FGB: variants seen among roughly 807,000 people sequenced by gnomAD.
FGB encodes fibrinogen beta chain.
Under a neutral mutation model 57.9 loss-of-function variants are expected in FGB, and 25 were observed. The observed-to-expected ratio is 0.43, with a 90% CI of 0.31 to 0.60. The LOEUF (loss-of-function observed/expected upper bound fraction) is 0.60, where lower values mean the gene tolerates loss of function less well. Among genes scored for constraint, FGB ranks in the 20% least tolerant of loss-of-function variants. FGB has a pLI of 0.08. For missense variants in FGB, 536 were observed against 598.4 expected (o/e 0.90, Z 1.09); for synonymous variants, 203 against 199.2 (o/e 1.02, Z -0.16).
rs1184082797 is a variant in FGB at position 154,571,325 on chromosome 4, A to AC, written c.*679dup. 6.6e-6 allele frequency among the ~76,000 whole-genome samples: 1 copy of AC among 152,020 alleles called. No homozygotes were observed. The highest frequency in any genetic ancestry group is 2.4e-5 in the African/African-American group (1 of 41,398). ...AGACCAGCCTGACCAATATGGTGAA[A>AC]CCCCATCTCTACTAAAAATACAAAA... On this transcript the variant is annotated 3_prime_UTR_variant, in exon 8 of 8. Coordinates refer to ENST00000302068, the MANE Select transcript of FGB (RefSeq NM_005141.5).
Position 154,565,537 on chromosome 4 carries a change from G to T in FGB, c.115-271G>T. On this transcript the variant is annotated intron_variant, in intron 1 of 7. Coordinates refer to ENST00000302068, the MANE Select transcript of FGB (RefSeq NM_005141.5). The stretch of plus-strand genomic sequence containing the variant: ...CCAATGTATGTTTTAGGAATATGAG[G>T]TCATTACTATTCATAATCTGATACA... 1.1e-5 allele frequency: 5 copies of T among 448,794 alleles called. No individual in the cohort carries two copies. In the South Asian group the frequency reaches 1.2e-4, roughly 11 times the overall value. 27.8% of individuals were successfully genotyped at this position (448,794 alleles called of 1,614,324 possible).
chr4:154,567,943 A>T, intron 4 of FGB, 123 bp downstream of exon 4: 1 of 796,712 alleles, frequency 1.3e-6, no homozygotes, highest in Non-Finnish European at 2.2e-6. Flanking sequence ...ATGACATTAC[A>T]GTACATCATA....
rs1730447086 is a variant in FGB, at chr4:154,571,999, G to C, written c.*1349G>C. On this transcript the variant is annotated 3_prime_UTR_variant, in exon 8 of 8. Transcript: ENST00000302068. ...TCTCTGCCACAAGTTCTGTCCCACT[G>C]GAGCCCATACTCACCTACCGCTTTG... 6.6e-6 allele frequency among the ~76,000 whole-genome samples: 1 copy of C among 152,100 alleles called. No homozygotes were observed. Among genetic ancestry groups the C allele is most frequent in the African/African-American group, 2.4e-5 (1 of 41,404 alleles).
chr4:154,568,296 G>A (rs543262800), intron 4 of FGB, 85 bp from the exon 5 acceptor site: 4 of 787,398 alleles, frequency 5.1e-6, no homozygotes, highest in Admixed American at 3.4e-5. Flanking sequence ...AGTAACTTAT[G>A]TAATGTTATT....
rs769690072 is a variant in FGB, at chr4:154,570,416, C to G, written c.1245-3C>G. 5.0e-6 allele frequency: 8 copies of G among 1,609,866 alleles called. No individual in the cohort carries two copies. In the Admixed American group the frequency reaches 1.3e-4, roughly 27 times the overall value. ...TAATAACGCCAAACACATTTTCTTT[C>G]AGGTTAACATCAGATCCCAGAAAAC... On this transcript the variant is annotated splice_polypyrimidine_tract_variant and splice_region_variant and intron_variant, in intron 7 of 7. Transcript: ENST00000302068.
upstream of FGB, chr4:154,563,007 A>C (rs375151084): frequency 1.2e-5 from 16 of 1,331,706 alleles, no homozygotes; most frequent in Non-Finnish European, 1.7e-5. Flanking sequence ...AAGATCTCTC[A>C]GTTAAGTCTA....
chr4:154,564,164 T>C (rs1467687032), intron 1 of FGB, among the ~76,000 whole-genome samples: 2 of 152,066 alleles, frequency 1.3e-5, no homozygotes, highest in African/African-American at 4.8e-5. Context: ...TTTCTGCTTA[T>C]CAACTAAACC....
Position 154,567,706 on chromosome 4 carries a change from C to A in FGB, c.604C>A (p.Leu202Met), listed in dbSNP as rs991445605. Residue 202 changes from leucine (L) to methionine (M), a missense_variant, in exon 4 of 8, where the codon CTG becomes ATG. By Grantham distance (15) the Leu-to-Met change is conservative. Around this residue, in one of 3 missense-constraint regions of FGB, gnomAD observed 354 missense variants for 383.4 expected, o/e 0.92. Transcript: ENST00000302068. ...PTNLRVLRSI[L>M]ENLRSKIQKL... ...TAACCTTCGTGTGCTTCGTTCAATC[C>A]TGGAAAACCTGAGAAGCAAAATACA... The A allele has an allele frequency of 1.2e-6, 2 of 1,613,790 alleles. No homozygotes were observed. Among genetic ancestry groups the A allele is most frequent in the Non-Finnish European group, 1.7e-6 (2 of 1,179,842 alleles).
At chr4:154,569,430 G>A in intron 6 of FGB, 84 bp from the exon 7 acceptor site, 1 of 1,581,218 alleles carries the variant, frequency 6.3e-7, no homozygotes, top group South Asian at 1.1e-5. Context: ...CAAAAATGTG[G>A]AAGCTAAAGA....
In FGB at chr4:154,566,606, T is replaced by A; in HGVS notation, c.424T>A (p.Ser142Thr). The part of the protein sequence containing the change: ...NNVEAVSQTS[S>T]SSFQYMYLLK... ...TGTGGAAGCTGTTTCCCAGACCTCC[T>A]CTTCTTCCTTTCAGTACATGTATTT... is the stretch of plus-strand genomic sequence containing the variant. The change falls in exon 3 of 8, where the codon TCT becomes ACT. Residue 142 changes from serine (S) to threonine (T), a missense_variant. Ser to Thr is a moderately conservative substitution (Grantham distance 58, BLOSUM62 1). Coordinates refer to ENST00000302068, the MANE Select transcript of FGB (RefSeq NM_005141.5). 1 of 1,614,140 alleles carries A rather than the reference T, an allele frequency of 6.2e-7. No homozygotes were observed. The highest frequency in any genetic ancestry group is 1.1e-5 in the South Asian group (1 of 91,086).
In FGB at chr4:154,568,470, T is replaced by C. The variant is rs1278267622; in HGVS notation, c.808T>C (p.Cys270Arg). The C allele has an allele frequency of 1.9e-6, 3 of 1,580,244 alleles. No homozygotes were observed. Among genetic ancestry groups the C allele is most frequent in the Non-Finnish European group, 2.6e-6 (3 of 1,149,144 alleles). ...DSSVKPYRVY[C>R]DMNTENGGWT... ...TTCTGTCAAACCGTATAGAGTATAC[T>C]GTGACATGAATACAGAAAATGGAGG... The change falls in exon 5 of 8, where the codon TGT (cysteine) becomes CGT (arginine). Residue 270 changes from cysteine to arginine, a missense_variant. Transcript: ENST00000302068.
rs764538840 is a variant in FGB at position 154,565,848 on chromosome 4, A to G, written c.155A>G (p.Lys52Arg). ...SARGHRPLDK[K>R]REEAPSLRPA... ...CGTGGTCATCGACCCCTTGACAAGA[A>G]GAGAGAAGAGGCTCCCAGCCTGAGG... Residue 52 changes from lysine (K) to arginine (R), a missense_variant, in exon 2 of 8, where the codon AAG (lysine) becomes AGG (arginine). By Grantham distance (26) the Lys-to-Arg change is conservative. Around this residue, in one of 3 missense-constraint regions of FGB, gnomAD observed 354 missense variants for 383.4 expected, o/e 0.92. Coordinates refer to ENST00000302068, the MANE Select transcript of FGB (RefSeq NM_005141.5). 1.2e-6 allele frequency: 2 copies of G among 1,614,096 alleles called. No homozygotes were observed. The highest frequency in any genetic ancestry group is 2.7e-5 in the African/African-American group (2 of 74,938).
In FGB at chr4:154,572,384, T is replaced by A. The variant is rs1298309096; in HGVS notation, c.*1734T>A. Among the ~76,000 whole-genome samples, 1 of 152,208 alleles carries A rather than the reference T, an allele frequency of 6.6e-6. No individual in the cohort carries two copies. The highest frequency in any genetic ancestry group is 1.5e-5 in the Non-Finnish European group (1 of 68,032). On this transcript the variant is annotated 3_prime_UTR_variant, in exon 8 of 8. Transcript: ENST00000302068. ...ACATAGGGTTTATTTAGGACTTAAA[T>A]ACAGATGTGGTCCAGTGGCAGTGGG...
rs936416094 is a variant in FGB at position 154,571,746 on chromosome 4, G to A, written c.*1096G>A. On this transcript the variant is annotated 3_prime_UTR_variant, in exon 8 of 8. Transcript: ENST00000302068. ...TTCTTTCTACTTCTCCCCATGAAAT[G>A]GGCATATCATCTCAACACTTCACTC... is the stretch of plus-strand genomic sequence containing the variant. 2.6e-5 allele frequency among the ~76,000 whole-genome samples: 4 copies of A among 152,002 alleles called. No individual in the cohort carries two copies. Among genetic ancestry groups the A allele is most frequent in the African/African-American group, 7.3e-5 (3 of 41,356 alleles).
In FGB at chr4:154,569,615, G is replaced by C; in HGVS notation, c.1060G>C (p.Ala354Pro). ...GGACTGGAAAGGAGACAAAGTAAAG[G>C]CTCACTATGGAGGATTCACTGTACA... ...MEDWKGDKVK[A>P]HYGGFTVQNE... is the part of the protein sequence containing the mutation. Residue 354 changes from alanine (A) to proline (P), a missense_variant, in exon 7 of 8, where the codon GCT becomes CCT. By Grantham distance (27) the Ala-to-Pro change is conservative. Coordinates refer to ENST00000302068, the MANE Select transcript of FGB (RefSeq NM_005141.5). The C allele has an allele frequency of 6.2e-7, 1 of 1,614,124 alleles. No homozygotes were observed. The highest frequency in any genetic ancestry group is 8.5e-7 in the Non-Finnish European group (1 of 1,179,994).
Position 154,570,807 on chromosome 4 carries a change from G to A in FGB, c.*157G>A. On this transcript the variant is annotated 3_prime_UTR_variant, in exon 8 of 8. Transcript: ENST00000302068. ...GTATAGGATAAATTACATTAAAATAGCACATGATTTTCTTTTGTTTTCTTC... is the reference window on the plus strand; with the variant it reads ...GTATAGGATAAATTACATTAAAATAACACATGATTTTCTTTTGTTTTCTTC... 1.5e-6 allele frequency: 1 copy of A among 686,248 alleles called. No homozygotes were observed. The highest frequency in any genetic ancestry group is 1.7e-5 in the South Asian group (1 of 59,788). The allele number at this position is 686,248 out of a possible 1,614,324, so 42.5% of individuals were successfully genotyped here.
chr4:154,567,649 A>G lies in FGB; in HGVS notation c.547A>G (p.Ile183Val), dbSNP rs749217408. ...SSELEKHQLY[I>V]DETVNSNIPT... ...AGAACTGGAAAAGCACCAATTATAT[A>G]TAGATGAGACTGTGAATAGCAATAT... The change falls in exon 4 of 8, where the codon ATA becomes GTA. Residue 183 changes from isoleucine (I) to valine (V), a missense_variant. Coordinates refer to ENST00000302068, the MANE Select transcript of FGB (RefSeq NM_005141.5). 9 of 1,613,322 alleles carry G rather than the reference A, an allele frequency of 5.6e-6. No homozygotes were observed. The highest frequency in any genetic ancestry group is 4.5e-5 in the East Asian group (2 of 44,864).
chr4:154,570,251 G>C (rs1730362120), intron 7 of FGB, among the ~76,000 whole-genome samples, 168 bp from the exon 8 acceptor site: 3 of 152,152 alleles, frequency 2.0e-5, no homozygotes. Flanking sequence ...TCTCTTTCTT[G>C]CTATAGGGCA....
At chr4:154,569,033 T>A in intron 5 of FGB, 149 bp from the exon 6 acceptor site, 1 of 838,900 alleles carries the variant, frequency 1.2e-6, no homozygotes, top group Non-Finnish European at 2.0e-6. Context: ...TTTTACAAGT[T>A]TACCTCTCAT....
Sources: gnomAD v4.1 joint callset for allele counts (sites outside exome capture counted in the v4.1 genomes callset) on GRCh38, gnomAD v4.1.1 for gene constraint, gnomAD v4.1.1 regional missense constraint, MANE v1.5 for transcripts, NCBI Gene and HGNC (gene_info 2026-07-23, HGNC 2026-07-21) for gene names.